Variants in PCDH15 observed in about 807,000 individuals in gnomAD.
PCDH15 encodes the protein protocadherin related 15, also known as protocadherin-15.
In PCDH15, 129 loss-of-function variants were observed where a neutral mutation model predicts 178.5. The ratio of observed to expected loss-of-function variants is 0.72; its 90% CI spans 0.63 to 0.84. The LOEUF is 0.84. Ranked by LOEUF, PCDH15 falls within the 40% of genes least tolerant of loss-of-function variation. PCDH15 has a pLI of 0.00. For missense variants in PCDH15, 2,230 were observed against 2,099.9 expected (o/e 1.06, Z -1.21); for synonymous variants, 800 against 732.0 (o/e 1.09, Z -1.50).
At chr10:54,706,591 C>T (rs950474319) in intron 1 of PCDH15, among the ~76,000 whole-genome samples, 2 of 152,102 alleles carry the variant, frequency 1.3e-5, no homozygotes, top group African/African-American at 4.8e-5. Context: ...TATTTGAAGA[C>T]TTAACCACAG....
chr10:54,769,616 C>G (rs11004562), intron 1 of PCDH15, among the ~76,000 whole-genome samples: 72,328 of 151,528 alleles, frequency 0.48, 17,778 homozygotes, highest in East Asian at 0.62. Flanking sequence ...TCACAAAATG[C>G]CATGAGAAAG....
At chr10:54,665,871 C>A (rs2094562818) in intron 1 of PCDH15, among the ~76,000 whole-genome samples, 2 of 151,982 alleles carry the variant, frequency 1.3e-5, no homozygotes, top group South Asian at 4.1e-4. Context: ...GAGATCATCA[C>A]AATCCACACT....
intron 1 of PCDH15, among the ~76,000 whole-genome samples, chr10:54,751,327 T>G (rs2132976308): frequency 6.6e-6 from 1 of 152,298 alleles, no homozygotes; most frequent in South Asian, 2.1e-4. Context: ...GACTCATAAT[T>G]AGGTTTGTGT....
chr10:55,080,725 C>A (rs1842019533), intron 2 of PCDH15, among the ~76,000 whole-genome samples: 1 of 152,132 alleles, frequency 6.6e-6, no homozygotes, highest in Admixed American at 6.6e-5. Flanking sequence ...GCTCACCCAC[C>A]CCAGTCCCTG....
At chr10:54,247,330 A>G (rs1386438126) in intron 8 of PCDH15, among the ~76,000 whole-genome samples, 1 of 152,066 alleles carries the variant, frequency 6.6e-6, no homozygotes, top group East Asian at 1.9e-4. Flanking sequence ...AGCAAAGTGA[A>G]GGTCTATTTT....
At chr10:54,520,243 A>C (rs961873997) in intron 3 of PCDH15, among the ~76,000 whole-genome samples, 16 of 152,256 alleles carry the variant, frequency 1.1e-4, no homozygotes, top group South Asian at 2.1e-4. Context: ...AGCTTCTGCA[A>C]AGCAAAAGAA....
intron 25 of PCDH15, among the ~76,000 whole-genome samples, chr10:53,914,189 T>C (rs1372304247): frequency 1.3e-5 from 2 of 152,170 alleles, no homozygotes; most frequent in Admixed American, 6.5e-5. Flanking sequence ...GTTTAACCAT[T>C]GTGGAAGACA....
chr10:53,820,746 CATAG>C (rs766065289), intron 32 of PCDH15, among the ~76,000 whole-genome samples: 3 of 151,934 alleles, frequency 2.0e-5, no homozygotes, highest in African/African-American at 4.8e-5. Context: ...AAGGAAGGGA[CATAG>C]ATAGTATCTA....
chr10:54,528,693 G>A lies in PCDH15; in HGVS notation c.92-816C>T, dbSNP rs180844894. On this transcript the variant is annotated intron_variant, in intron 2 of 37. Coordinates refer to ENST00000644397, the MANE Select transcript of PCDH15 (RefSeq NM_001384140.1). ...TAAAGTAAATTGGTATTTTTCTTAC[G>A]AAAAGGTAAATACGAATTACTTATG... Among the ~76,000 whole-genome samples, 1,470 of 152,010 alleles carry A rather than the reference G, an allele frequency of 9.7e-3. 26 individuals carry two copies. The highest frequency in any genetic ancestry group is 0.033 in the African/African-American group (1,384 of 41,508).
At chr10:55,529,913 C>G (rs1841412600) in intron 2 of PCDH15, among the ~76,000 whole-genome samples, 1 of 150,776 alleles carries the variant, frequency 6.6e-6, no homozygotes, top group Non-Finnish European at 1.5e-5. Flanking sequence ...AAAGTATTTA[C>G]TTACAAATTA....
At chr10:54,124,197 A>G (rs2041801410) in intron 15 of PCDH15, among the ~76,000 whole-genome samples, 1 of 133,358 alleles carries the variant, frequency 7.5e-6, no homozygotes, top group African/African-American at 2.5e-5. Context: ...TAAAAGAAAA[A>G]CAAACAATAC....
chr10:54,148,084 T>A (rs147465229), intron 14 of PCDH15, among the ~76,000 whole-genome samples: 10 of 152,202 alleles, frequency 6.6e-5, no homozygotes, highest in African/African-American at 2.4e-4. Context: ...GTATGCTCAA[T>A]AAGTATTATC....
intron 2 of PCDH15, among the ~76,000 whole-genome samples, chr10:55,370,820 C>T (rs1845490002): frequency 6.6e-6 from 1 of 152,090 alleles, no homozygotes; most frequent in African/African-American, 2.4e-5. Context: ...ATAATCCATC[C>T]AATTGACTCA....
intron 1 of PCDH15, among the ~76,000 whole-genome samples, chr10:54,793,967 T>C (rs1305480061): frequency 6.9e-6 from 1 of 143,970 alleles, no homozygotes; most frequent in Non-Finnish European, 1.5e-5. Context: ...AGGAATGTGT[T>C]CTTTTTTTTT....
intron 2 of PCDH15, among the ~76,000 whole-genome samples, chr10:55,551,224 T>C (rs926566627): frequency 3.9e-5 from 6 of 152,018 alleles, no homozygotes; most frequent in Non-Finnish European, 8.8e-5. Context: ...ATAGAAGCTA[T>C]CTGTAGTAGG....
intron 13 of PCDH15, among the ~76,000 whole-genome samples, chr10:54,160,705 G>A (rs977045173): frequency 6.6e-6 from 1 of 152,110 alleles, no homozygotes; most frequent in East Asian, 1.9e-4. Context: ...TTACCAGTCA[G>A]TACTAAGAAA....
chr10:54,760,712 A>T (rs527984682), intron 1 of PCDH15, among the ~76,000 whole-genome samples: 1 of 152,278 alleles, frequency 6.6e-6, no homozygotes, highest in African/African-American at 2.4e-5. Context: ...TTTAGAATTA[A>T]ATGTTGATTT....
chr10:55,442,462 T>TATATA lies in PCDH15; in HGVS notation c.-156+185158_-156+185162dup, dbSNP rs1164769966. ...GATGTTTTCTTAATTTGATTATATA[T>TATATA]ATATATATTATATATATATTATATA... On this transcript the variant is annotated intron_variant, in intron 2 of 5. Coordinates refer to the PCDH15 transcript ENST00000613346. Among the ~76,000 whole-genome samples, 16 of 66,532 alleles carry TATATA rather than the reference T, an allele frequency of 2.4e-4. No individual in the cohort carries two copies. The East Asian group carries it at 0.018, about 75-fold the overall frequency. The allele number at this position is 66,532 out of a possible 152,430, so 43.6% of individuals were successfully genotyped here.
chr10:53,933,521 G>T (rs781342520), intron 25 of PCDH15, among the ~76,000 whole-genome samples: 1 of 152,028 alleles, frequency 6.6e-6, no homozygotes, highest in African/African-American at 2.4e-5. Flanking sequence ...TTTTATGGCT[G>T]TATAGTATTC....
Sources: allele counts gnomAD v4.1 joint callset (sites outside exome capture counted in the v4.1 genomes callset), GRCh38; gene constraint gnomAD v4.1.1; transcripts MANE v1.5; gene names NCBI Gene and HGNC (gene_info 2026-07-23, HGNC 2026-07-21).